MAP3K11: variants seen among roughly 807,000 people sequenced by gnomAD.
MAP3K11 encodes the protein mitogen-activated protein kinase kinase kinase 11, also known as SH3 domain-containing proline-rich kinase.
MAP3K11 carries 46 observed loss-of-function variants against 84.9 expected under a neutral mutation model. The ratio of observed to expected loss-of-function variants is 0.54; its 90% CI spans 0.43 to 0.69. The LOEUF (loss-of-function observed/expected upper bound fraction) is 0.69, where lower values mean the gene tolerates loss of function less well. MAP3K11 is among the 30% of genes least tolerant of loss of function. The pLI is 0.00. For missense variants in MAP3K11, 1,053 were observed against 1,198.3 expected (o/e 0.88, Z 1.79); for synonymous variants, 527 against 514.7 (o/e 1.02, Z -0.32).
chr11:65,604,288 G>C (rs1372174620), intron 8 of MAP3K11, among the ~76,000 whole-genome samples: 1 of 152,390 alleles, frequency 6.6e-6, no homozygotes, highest in Middle Eastern at 3.4e-3. Flanking sequence ...AGAGAGTTCT[G>C]TGGAACAGTC....
Position 65,598,408 on chromosome 11 carries a change from T to C in MAP3K11, c.2427A>G (p.Ser809=), listed in dbSNP as rs370285652. Residue 809 remains serine (S), a synonymous_variant, in exon 10 of 10, where the codon TCA becomes TCG. Coordinates refer to ENST00000309100, the MANE Select transcript of MAP3K11 (RefSeq NM_002419.4). Reference sequence around the variant, plus strand: ...CAGGTGGGGAGTCCCAGAAGGGGTCTGAGTCCGGGAACAAGGTCCAGGGTG... The same window carrying C: ...CAGGTGGGGAGTCCCAGAAGGGGTCCGAGTCCGGGAACAAGGTCCAGGGTG... ...RRAPWTLFPD[S]DPFWDSPPAN... 2.2e-5 allele frequency: 35 copies of C among 1,584,776 alleles called. No individual in the cohort carries two copies. Among genetic ancestry groups the C allele is most frequent in the Non-Finnish European group, 2.9e-5 (34 of 1,162,692 alleles).
At chr11:65,605,283 C>T (rs908909838) in intron 8 of MAP3K11, among the ~76,000 whole-genome samples, 1 of 152,064 alleles carries the variant, frequency 6.6e-6, no homozygotes, top group African/African-American at 2.4e-5. Flanking sequence ...GCTCGGCCTT[C>T]TCATTCTCTT....
intron 8 of MAP3K11, among the ~76,000 whole-genome samples, chr11:65,602,936 T>C (rs1854471149): frequency 6.6e-6 from 1 of 152,028 alleles, no homozygotes; most frequent in African/African-American, 2.4e-5. Context: ...CAAAACCCCA[T>C]CTCTACAAAA....
Position 65,599,460 on chromosome 11 carries a change from G to A in MAP3K11, c.2140C>T (p.Leu714=). ...DSPPTPAPLL[L]DLGIPVGQRS... is the part of the protein sequence containing the mutation. Reference sequence around the variant, plus strand: ...TGGCCCACAGGGATACCCAGGTCCAGCAACAGGGGTGCAGGAGTGGGCGGG... The same window carrying A: ...TGGCCCACAGGGATACCCAGGTCCAACAACAGGGGTGCAGGAGTGGGCGGG... The change falls in exon 9 of 10, where the codon CTG becomes TTG. Residue 714 remains leucine, a synonymous_variant. Coordinates refer to ENST00000309100, the MANE Select transcript of MAP3K11 (RefSeq NM_002419.4). The A allele has an allele frequency of 2.0e-6, 3 of 1,517,046 alleles. No homozygotes were observed. The highest frequency in any genetic ancestry group is 1.7e-6 in the Non-Finnish European group (2 of 1,143,484). 94.0% of individuals were successfully genotyped at this position (1,517,046 alleles called of 1,614,324 possible). A position where few individuals can be genotyped will look rare whatever the true frequency, so the allele number is the denominator to read the frequency against.
Position 65,599,445 on chromosome 11 carries a change from G to T in MAP3K11, c.2155C>A (p.Pro719Thr). The T allele has an allele frequency of 6.6e-7, 1 of 1,520,994 alleles. No homozygotes were observed. Among genetic ancestry groups the T allele is most frequent in the Non-Finnish European group, 8.7e-7 (1 of 1,146,544 alleles). The allele number at this position is 1,520,994 out of a possible 1,614,324, so 94.2% of individuals were successfully genotyped here. ...CTCTTGGCTGACCGCTGGCCCACAG[G>T]GATACCCAGGTCCAGCAACAGGGGT... Reference protein sequence around the residue: ...PAPLLLDLGIPVGQRSAKSPR... With the variant: ...PAPLLLDLGITVGQRSAKSPR... The change falls in exon 9 of 10, where the codon CCT becomes ACT. Residue 719 changes from proline to threonine, a missense_variant. This residue lies in a region of MAP3K11 where 583 missense variants were observed against 566.6 expected (regional missense o/e 1.03). Transcript: ENST00000309100.
In MAP3K11 at chr11:65,608,306, G is replaced by C; in HGVS notation, c.882C>G (p.Ile294Met). 6.2e-7 allele frequency: 1 copy of C among 1,614,238 alleles called. No homozygotes were observed. Among genetic ancestry groups the C allele is most frequent in the Non-Finnish European group, 8.5e-7 (1 of 1,180,034 alleles). The change falls in exon 2 of 10, where the codon ATC becomes ATG. Residue 294 changes from isoleucine (I) to methionine (M), a missense_variant. Physicochemically the swap from Ile to Met is conservative, Grantham distance 10 (BLOSUM62 1). Around this residue, in one of 3 missense-constraint regions of MAP3K11, gnomAD observed 310 missense variants for 464.5 expected, o/e 0.67. Coordinates refer to ENST00000309100, the MANE Select transcript of MAP3K11 (RefSeq NM_002419.4). ...GTYAWMAPEVIKASTFSKGSD... is the reference protein window; with the variant it reads ...GTYAWMAPEVMKASTFSKGSD... ...TGCCCTTAGAGAAGGTGGAGGCCTT[G>C]ATAACCTCAGGAGCCATCCAGGCGT...
Position 65,607,504 on chromosome 11 carries a change from T to C in MAP3K11, c.1255A>G (p.Ser419Gly), listed in dbSNP as rs1262880736. Residue 419 changes from serine to glycine, a missense_variant, in exon 5 of 10, where the codon AGC becomes GGC. Around this residue, in one of 3 missense-constraint regions of MAP3K11, gnomAD observed 310 missense variants for 464.5 expected, o/e 0.67. Coordinates refer to ENST00000309100, the MANE Select transcript of MAP3K11 (RefSeq NM_002419.4). Reference sequence around the variant, plus strand: ...GCTCGCGTCAGCTCCTCCTCGCGGCTCAGTAGTTCCTGCGCCCGAGACAGC... The same window carrying C: ...GCTCGCGTCAGCTCCTCCTCGCGGCCCAGTAGTTCCTGCGCCCGAGACAGC... ...ELRAKEKELL[S>G]REEELTRAAR... The C allele has an allele frequency of 1.3e-6, 2 of 1,572,158 alleles. No individual in the cohort carries two copies. Among genetic ancestry groups the C allele is most frequent in the African/African-American group, 1.4e-5 (1 of 73,824 alleles).
Position 65,607,351 on chromosome 11 carries a change from G to A in MAP3K11, c.1408C>T (p.His470Tyr). 1 of 1,497,328 alleles carries A rather than the reference G, an allele frequency of 6.7e-7. No individual in the cohort carries two copies. The highest frequency in any genetic ancestry group is 1.3e-5 in the South Asian group (1 of 79,938). The allele number at this position is 1,497,328 out of a possible 1,614,324, so 92.8% of individuals were successfully genotyped here. Residue 470 changes from histidine to tyrosine, a missense_variant, in exon 5 of 10, where the codon CAC (histidine) becomes TAC (tyrosine). By Grantham distance (83) the His-to-Tyr change is moderately conservative (BLOSUM62 2). Transcript: ENST00000309100. ...AATGTCCCGCGGCGGCGGCGCACGTGCGGTCGCTCGCGGTCCACCTGCTGC... is the reference window on the plus strand; with the variant it reads ...AATGTCCCGCGGCGGCGGCGCACGTACGGTCGCTCGCGGTCCACCTGCTGC... ...LLQQVDRERP[H>Y]VRRRRGTFKR... is the part of the protein sequence containing the mutation.
intron 5 of MAP3K11, 199 bp from the exon 6 acceptor site, chr11:65,607,003 T>G (rs1292868249): frequency 3.4e-6 from 2 of 585,206 alleles, no homozygotes; most frequent in Non-Finnish European, 5.7e-6. Flanking sequence ...GGAGATGCCC[T>G]GGCGCCGGCC....
At chr11:65,605,060 C>G (rs1320644950) in intron 8 of MAP3K11, among the ~76,000 whole-genome samples, 2 of 152,186 alleles carry the variant, frequency 1.3e-5, no homozygotes, top group African/African-American at 4.8e-5. Context: ...GAGCTGAAGC[C>G]TCTCTGGGTT....
rs1038555445 is a variant in MAP3K11, at chr11:65,613,107, T to C, written c.650A>G (p.Asn217Ser). The change falls in exon 1 of 10, where the codon AAC becomes AGC. Residue 217 changes from asparagine (N) to serine (S), a missense_variant. Coordinates refer to ENST00000309100, the MANE Select transcript of MAP3K11 (RefSeq NM_002419.4). ...GRRVPPHVLVNWAVQIARGMH... is the reference protein window; with the variant it reads ...GRRVPPHVLVSWAVQIARGMH... ...CCCACGGGCAATCTGCACAGCCCAG[T>C]TGACCAGCACATGGGGAGGCACGCG... The C allele has an allele frequency of 1.9e-6, 3 of 1,577,778 alleles. No individual in the cohort carries two copies. Among genetic ancestry groups the C allele is most frequent in the Non-Finnish European group, 2.6e-6 (3 of 1,162,050 alleles).
chr11:65,606,399 T>G (rs1423608290), intron 6 of MAP3K11: 2 of 424,398 alleles, frequency 4.7e-6, no homozygotes, highest in Non-Finnish European at 8.2e-6. Flanking sequence ...TCCATAAAAC[T>G]TAAATTAACA....
At chr11:65,607,245 G>A (rs1402645162) in intron 5 of MAP3K11, 25 bp downstream of exon 5, 19 of 1,464,970 alleles carry the variant, frequency 1.3e-5, no homozygotes, top group Non-Finnish European at 1.6e-5. Flanking sequence ...CAATGGCGGG[G>A]GACGCCCCGG....
At chr11:65,612,955 G>A in intron 1 of MAP3K11, 63 bp downstream of exon 1, 1 of 1,486,000 alleles carries the variant, frequency 6.7e-7, no homozygotes. Context: ...AGGCTCAGTG[G>A]AAGGTTGGGA....
At chr11:65,607,159 G>C (rs1445381098) in intron 5 of MAP3K11, 111 bp downstream of exon 5, 1 of 1,328,510 alleles carries the variant, frequency 7.5e-7, no homozygotes, top group Non-Finnish European at 9.7e-7. Context: ...TTCATCTCAC[G>C]GGCCCACCCA....
rs780832462 is a variant in MAP3K11, at chr11:65,608,431, T to C, written c.757A>G (p.Ile253Val). 6.2e-7 allele frequency: 1 copy of C among 1,614,128 alleles called. No individual in the cohort carries two copies. Among genetic ancestry groups the C allele is most frequent in the Non-Finnish European group, 8.5e-7 (1 of 1,180,002 alleles). ...TTGTGCTCCATGTCGTCACTCTCAATGGGCTGCAGCAGCAAAACTAGAGAA... is the reference window on the plus strand; with the variant it reads ...TTGTGCTCCATGTCGTCACTCTCAACGGGCTGCAGCAGCAAAACTAGAGAA... Reference protein sequence around the residue: ...KSNNILLLQPIESDDMEHKTL... With the variant: ...KSNNILLLQPVESDDMEHKTL... The change falls in exon 2 of 10, where the codon ATT (isoleucine) becomes GTT (valine). Residue 253 changes from isoleucine to valine, a missense_variant. By Grantham distance (29) the Ile-to-Val change is conservative. This residue lies in a region of MAP3K11 where 310 missense variants were observed against 464.5 expected (regional missense o/e 0.67). Transcript: ENST00000309100.
Position 65,613,991 on chromosome 11 carries a change from G to T in MAP3K11, c.-235C>A. The T allele has an allele frequency of 1.9e-6, 1 of 528,950 alleles. No individual in the cohort carries two copies. The highest frequency in any genetic ancestry group is 2.8e-5 in the South Asian group (1 of 35,488). The allele number at this position is 528,950 out of a possible 1,614,324, so 32.8% of individuals were successfully genotyped here. A position where few individuals can be genotyped will look rare whatever the true frequency, so the allele number is the denominator to read the frequency against. On this transcript the variant is annotated 5_prime_UTR_variant, in exon 1 of 10. Coordinates refer to ENST00000309100, the MANE Select transcript of MAP3K11 (RefSeq NM_002419.4). Reference sequence around the variant, plus strand: ...GGTCAGGCCGGGGGGGTGGGGCCCCGGGGCCTCCGGCGCCTCACCATGGCT... The same window carrying T: ...GGTCAGGCCGGGGGGGTGGGGCCCCTGGGCCTCCGGCGCCTCACCATGGCT...
At chr11:65,612,978 C>T in intron 1 of MAP3K11, 40 bp downstream of exon 1, 1 of 1,514,000 alleles carries the variant, frequency 6.6e-7, no homozygotes, top group Non-Finnish European at 8.8e-7. Flanking sequence ...AGGTGTGTAC[C>T]AGAGCCATGC....
At chr11:65,608,112 A>G in intron 2 of MAP3K11, 42 bp from the exon 3 acceptor site, 2 of 1,604,668 alleles carry the variant, frequency 1.2e-6, no homozygotes, top group Non-Finnish European at 1.7e-6. Flanking sequence ...TTTCTCTCCC[A>G]ACCCCCACCC....
Sources: allele counts gnomAD v4.1 joint callset (sites outside exome capture counted in the v4.1 genomes callset), GRCh38; gene constraint gnomAD v4.1.1; regional missense constraint gnomAD v4.1.1; transcripts MANE v1.5; gene names NCBI Gene and HGNC (gene_info 2026-07-23, HGNC 2026-07-21).